Variants in ARFGEF3 observed in about 807,000 individuals in gnomAD.
The protein encoded by ARFGEF3 is brefeldin A-inhibited guanine nucleotide-exchange protein 3.
Under a neutral mutation model 221.7 loss-of-function variants are expected in ARFGEF3, and 96 were observed. The ratio of observed to expected loss-of-function variants is 0.43; its 90% confidence interval spans 0.37 to 0.51. The LOEUF is 0.51. ARFGEF3 is among the 20% of genes least tolerant of loss of function. The probability of loss-of-function intolerance (pLI) is 0.00; values close to 1 mark genes in which losing one functional copy is unlikely to be tolerated. For synonymous variants in ARFGEF3, 1,145 were observed against 1,126.8 expected, an observed-to-expected ratio of 1.02 and a Z score of -0.32; for missense variants, 2,410 against 2,789.9, an observed-to-expected ratio of 0.86 and a Z score of 3.07.
Position 138,170,770 on chromosome 6 carries a change from A to C in ARFGEF3, c.137+57A>C. On this transcript the variant is annotated intron_variant, in intron 2 of 33. Coordinates refer to ENST00000251691, the MANE Select transcript of ARFGEF3 (RefSeq NM_020340.5). ...AGTCAATATTACCCACTGAAGGCCC[A>C]GATAACCACATTGGTTTACAGTGTG... is the stretch of plus-strand genomic sequence containing the variant. 8.2e-6 allele frequency: 8 copies of C among 975,700 alleles called. No individual in the cohort carries two copies. In the South Asian group the frequency reaches 1.1e-4, roughly 13 times the overall value. The allele number at this position is 975,700 out of a possible 1,614,324, so 60.4% of individuals were successfully genotyped here.
chr6:138,191,024 G>A (rs969498299), intron 2 of ARFGEF3, among the ~76,000 whole-genome samples: 3 of 152,098 alleles, frequency 2.0e-5, no homozygotes, highest in Non-Finnish European at 4.4e-5. Context: ...TCATGTCTTG[G>A]ACTGTGAAAT....
intron 2 of ARFGEF3, among the ~76,000 whole-genome samples, chr6:138,193,364 T>C (rs1777347521): frequency 6.6e-6 from 1 of 152,208 alleles, no homozygotes; most frequent in Non-Finnish European, 1.5e-5. Flanking sequence ...TAGTTGGTTG[T>C]GTATACCTTC....
intron 4 of ARFGEF3, chr6:138,218,164 G>T (rs1259537612): frequency 6.2e-7 from 1 of 1,613,886 alleles, no homozygotes; most frequent in Non-Finnish European, 8.5e-7. Context: ...AGAATTGCAT[G>T]GTGTGACTGT....
In ARFGEF3 at chr6:138,334,235, G is replaced by C. The variant is rs1414878217; in HGVS notation, c.5389G>C (p.Val1797Leu). Residue 1797 changes from valine to leucine, a missense_variant, in exon 33 of 34, where the codon GTG (valine) becomes CTG (leucine). This residue lies in a region of ARFGEF3 where 723 missense variants were observed against 991.9 expected (regional missense o/e 0.73). Transcript: ENST00000251691. The surrounding 1 kb of genome is among the most constrained non-coding windows in gnomAD (Gnocchi z 5.1). ...CGGGCTGAAGTGCCTGCTGAAGAAA[G>C]TGTCTGGCATCGGGGGCGCCGCCAA... ...SPGLKCLLKK[V>L]SGIGGAANLY... The C allele has an allele frequency of 6.2e-7, 1 of 1,613,792 alleles. No individual in the cohort carries two copies. Among genetic ancestry groups the C allele is most frequent in the African/African-American group, 1.3e-5 (1 of 74,946 alleles).
intron 10 of ARFGEF3, 57 bp downstream of exon 10, chr6:138,255,826 G>T (rs1224616251): frequency 1.7e-5 from 24 of 1,374,082 alleles, no homozygotes; most frequent in Non-Finnish European, 2.3e-5. Context: ...CCAGCGTTTC[G>T]CATACAAGAA....
intron 5 of ARFGEF3, among the ~76,000 whole-genome samples, chr6:138,232,452 G>C (rs1303913095): frequency 6.6e-6 from 1 of 152,062 alleles, no homozygotes; most frequent in Non-Finnish European, 1.5e-5. Context: ...CAGTGAGCCT[G>C]TTCCATTGGA....
intron 7 of ARFGEF3, 58 bp from the exon 8 acceptor site, chr6:138,245,455 G>A: frequency 8.4e-7 from 1 of 1,194,230 alleles, no homozygotes; most frequent in Non-Finnish European, 1.2e-6. Flanking sequence ...GGATGGTTCA[G>A]GGAGCTCGTC....
chr6:138,319,726 G>A lies in ARFGEF3; in HGVS notation c.4498G>A (p.Val1500Met). 1 of 1,611,448 alleles carries A rather than the reference G, an allele frequency of 6.2e-7. No homozygotes were observed. The highest frequency in any genetic ancestry group is 8.5e-7 in the Non-Finnish European group (1 of 1,179,050). Reference protein sequence around the residue: ...TPGPGFGIYAVVHLLLPVMSV... With the variant: ...TPGPGFGIYAMVHLLLPVMSV... ...AGGACCAGGGTTTGGTATCTATGCA[G>A]TGGTTCACCTCCTCCTTCCTGTGAT... Residue 1500 changes from valine (V) to methionine (M), a missense_variant, in exon 28 of 34, where the codon GTG becomes ATG. Val to Met is a conservative substitution (Grantham distance 21). Transcript: ENST00000251691.
intron 8 of ARFGEF3, among the ~76,000 whole-genome samples, chr6:138,251,761 C>A (rs2114571168): frequency 6.6e-6 from 1 of 152,184 alleles, no homozygotes; most frequent in Non-Finnish European, 1.5e-5. Context: ...ACTTTAGGAT[C>A]TACTAAGACA....
In ARFGEF3 at chr6:138,334,347, C is replaced by G; in HGVS notation, c.5501C>G (p.Ala1834Gly). 1 of 1,613,804 alleles carries G rather than the reference C, an allele frequency of 6.2e-7. No individual in the cohort carries two copies. The highest frequency in any genetic ancestry group is 1.7e-5 in the Admixed American group (1 of 59,994). Residue 1834 changes from alanine (A) to glycine (G), a missense_variant, in exon 33 of 34, where the codon GCC (alanine) becomes GGC (glycine). Ala to Gly is a moderately conservative substitution (Grantham distance 60). Coordinates refer to ENST00000251691, the MANE Select transcript of ARFGEF3 (RefSeq NM_020340.5). The surrounding 1 kb of genome is among the most constrained non-coding windows in gnomAD (Gnocchi z 5.1). ...AVLTNQETIT[A>G]EQVKKVLFED... ...CTCACCAATCAAGAAACCATCACGG[C>G]CGAGCAAGTGAAGAAGGTCCTTTTT...
intron 2 of ARFGEF3, among the ~76,000 whole-genome samples, chr6:138,178,327 C>T (rs1776996561): frequency 6.6e-6 from 1 of 152,164 alleles, no homozygotes; most frequent in East Asian, 1.9e-4. Flanking sequence ...AGCCCGATAG[C>T]TCCCCTGCAT....
intron 4 of ARFGEF3, among the ~76,000 whole-genome samples, chr6:138,224,322 G>A (rs982659894): frequency 7.9e-5 from 12 of 152,162 alleles, no homozygotes; most frequent in Admixed American, 3.3e-4. Context: ...CATCCACAGC[G>A]AGGTCCTGCC....
chr6:138,164,360 T>C (rs1776679683), intron 1 of ARFGEF3, among the ~76,000 whole-genome samples: 1 of 152,234 alleles, frequency 6.6e-6, no homozygotes, highest in Non-Finnish European at 1.5e-5. Context: ...TTGTTGAACA[T>C]GCTGTGTGGC....
chr6:138,220,015 TTTTCC>T (rs1777952001), intron 4 of ARFGEF3, among the ~76,000 whole-genome samples: 2 of 152,282 alleles, frequency 1.3e-5, no homozygotes, highest in Admixed American at 6.5e-5. Flanking sequence ...TTTCTTTTCC[TTTTCC>T]TTTCTTTTTT....
At chr6:138,197,780 G>T (rs189206029) in intron 2 of ARFGEF3, among the ~76,000 whole-genome samples, 73 of 152,262 alleles carry the variant, frequency 4.8e-4, no homozygotes, top group Non-Finnish European at 9.3e-4. Context: ...CATGCTGGAG[G>T]TTTTAATGAT....
At chr6:138,221,456 T>C (rs2114519033) in intron 4 of ARFGEF3, among the ~76,000 whole-genome samples, 1 of 152,348 alleles carries the variant, frequency 6.6e-6, no homozygotes, top group South Asian at 2.1e-4. Context: ...TGGTCTAATA[T>C]GTCAATATTT....
At chr6:138,213,027 G>A (rs1453251204) in intron 4 of ARFGEF3, among the ~76,000 whole-genome samples, 2 of 152,046 alleles carry the variant, frequency 1.3e-5, no homozygotes, top group Middle Eastern at 6.8e-3. Context: ...AATACCGCAC[G>A]CCTGTAATCC....
chr6:138,203,175 T>C (rs1777567267), intron 2 of ARFGEF3, among the ~76,000 whole-genome samples: 1 of 152,150 alleles, frequency 6.6e-6, no homozygotes, highest in Admixed American at 6.6e-5. Context: ...TGTGTGTGTG[T>C]GTTTAAGAAC....
chr6:138,245,082 A>C (rs2114559052), intron 7 of ARFGEF3, among the ~76,000 whole-genome samples: 1 of 152,310 alleles, frequency 6.6e-6, no homozygotes. Flanking sequence ...TGGGTGGATC[A>C]CCTGAGGTCA....
Sources: allele counts gnomAD v4.1 joint callset (sites outside exome capture counted in the v4.1 genomes callset), GRCh38; gene constraint gnomAD v4.1.1; regional missense constraint gnomAD v4.1.1; non-coding constraint Gnocchi (gnomAD v3.1); transcripts MANE v1.5; gene names NCBI Gene and HGNC (gene_info 2026-07-23, HGNC 2026-07-21).